The following NALCN variants were observed in gnomAD, a reference collection of about 807,000 sequenced individuals.
NALCN encodes the protein sodium leak channel, non-selective.
In NALCN, 111 loss-of-function variants were observed where a neutral mutation model predicts 225.3. That is an observed-to-expected ratio of 0.49 (90% CI 0.42 to 0.58). NALCN has a LOEUF of 0.58. NALCN is among the 20% of genes least tolerant of loss of function. The pLI, the probability that NALCN is intolerant of heterozygous loss-of-function variation, is 0.00. For missense variants in NALCN, 1,378 were observed against 2,202.4 expected (o/e 0.63, Z 7.49); for synonymous variants, 764 against 769.0 (o/e 0.99, Z 0.11).
chr13:101,330,386 G>C (rs886276731), intron 7 of NALCN, among the ~76,000 whole-genome samples: 4 of 152,074 alleles, frequency 2.6e-5, no homozygotes, highest in Admixed American at 1.3e-4. Context: ...GAGTTGGGAG[G>C]CACCTAATAT....
chr13:101,321,009 A>G (rs2044728173), intron 7 of NALCN, among the ~76,000 whole-genome samples: 2 of 152,166 alleles, frequency 1.3e-5, no homozygotes, highest in Non-Finnish European at 2.9e-5. Context: ...ATACCATTCA[A>G]TGATGCCGAT....
chr13:101,282,439 A>T (rs2043197802), intron 10 of NALCN, among the ~76,000 whole-genome samples: 1 of 152,184 alleles, frequency 6.6e-6, no homozygotes. Flanking sequence ...TCATTTATAT[A>T]TGGAATCTCA....
chr13:101,286,864 TACACACACACACAC>T (rs71121180), intron 9 of NALCN, among the ~76,000 whole-genome samples: 3 of 147,058 alleles, frequency 2.0e-5, no homozygotes, highest in Non-Finnish European at 3.0e-5. Context: ...CCAGGTATTA[TACACACACACACAC>T]ACACACACAC....
At chr13:101,081,859 ATCTG>A (rs766880219) in intron 33 of NALCN, among the ~76,000 whole-genome samples, 20 of 152,022 alleles carry the variant, frequency 1.3e-4, no homozygotes, top group African/African-American at 1.9e-4. Flanking sequence ...TACACTATCT[ATCTG>A]TCTGTCTGTC....
intron 13 of NALCN, among the ~76,000 whole-genome samples, chr13:101,224,917 T>A (rs1023134219): frequency 6.6e-6 from 1 of 152,134 alleles, no homozygotes; most frequent in African/African-American, 2.4e-5. Flanking sequence ...ACTATCATTG[T>A]TAAACACCCC....
chr13:101,105,634 T>TAA lies in NALCN; in HGVS notation c.2580-686_2580-685dup, dbSNP rs11405672. Among the ~76,000 whole-genome samples the TAA allele has an allele frequency of 5.1e-4, 77 of 151,970 alleles. No homozygotes were observed. In the South Asian group the frequency reaches 0.01, roughly 21 times the overall value. ...AGGCAGCCAACAGGATAATTCAAGATAAAAAAAACGTACTTCAAGAACTGA... is the reference window on the plus strand; with the variant it reads ...AGGCAGCCAACAGGATAATTCAAGATAAAAAAAAAACGTACTTCAAGAACTGA... On this transcript the variant is annotated intron_variant, in intron 22 of 43. Transcript: ENST00000251127.
At chr13:101,323,435 C>T (rs1211507486) in intron 7 of NALCN, among the ~76,000 whole-genome samples, 1 of 152,236 alleles carries the variant, frequency 6.6e-6, no homozygotes, top group Non-Finnish European at 1.5e-5. Flanking sequence ...CAATGCAACT[C>T]TATTAATTCA....
chr13:101,253,502 T>C (rs990744706), intron 11 of NALCN, among the ~76,000 whole-genome samples: 1 of 152,198 alleles, frequency 6.6e-6, no homozygotes, highest in Non-Finnish European at 1.5e-5. Context: ...TAAACTTGAA[T>C]TGCTGTTATT....
chr13:101,109,822 C>T (rs771853909), intron 20 of NALCN, among the ~76,000 whole-genome samples: 13 of 152,094 alleles, frequency 8.5e-5, no homozygotes, highest in East Asian at 1.9e-4. Flanking sequence ...GATGGGTCTA[C>T]GATAACCATC....
rs540654944 is a variant in NALCN at position 101,279,184 on chromosome 13, T to C, written c.1134+4749A>G. 9.2e-5 allele frequency among the ~76,000 whole-genome samples: 14 copies of C among 152,362 alleles called. No homozygotes were observed. In the South Asian group the frequency reaches 2.9e-3, roughly 32 times the overall value. On this transcript the variant is annotated intron_variant, in intron 10 of 43. Transcript: ENST00000251127. The stretch of plus-strand genomic sequence containing the variant: ...CATAAAAGAAAAGTGTAGGATGATA[T>C]GAAAACATGTAACAGAGGTACCTGG...
chr13:101,359,058 A>G (rs2046147694), intron 6 of NALCN, among the ~76,000 whole-genome samples: 1 of 152,104 alleles, frequency 6.6e-6, no homozygotes, highest in African/African-American at 2.4e-5. Context: ...GGAGAGCATT[A>G]GGACAAATAG....
At chr13:101,062,799 C>T (rs1212190638) in intron 40 of NALCN, among the ~76,000 whole-genome samples, 1 of 151,964 alleles carries the variant, frequency 6.6e-6, no homozygotes, top group Non-Finnish European at 1.5e-5. Flanking sequence ...GACGAGTTTT[C>T]ACCATGTTGG....
At chr13:101,285,298 T>C (rs1566531133) in intron 9 of NALCN, among the ~76,000 whole-genome samples, 5 of 152,112 alleles carry the variant, frequency 3.3e-5, no homozygotes, top group Admixed American at 3.3e-4. Flanking sequence ...GTATTTTTAT[T>C]ATTTATTTAT....
chr13:101,279,856 T>TAAAG lies in NALCN; in HGVS notation c.1134+4076_1134+4077insCTTT, dbSNP rs386380472. Among the ~76,000 whole-genome samples, 703 of 148,576 alleles carry TAAAG rather than the reference T, an allele frequency of 4.7e-3. 21 individuals are homozygous for TAAAG. The highest frequency in any genetic ancestry group is 0.036 in the East Asian group (183 of 5,084). The stretch of plus-strand genomic sequence containing the variant: ...TAAATAAAATAAATAAATAAATAAA[T>TAAAG]AAATAAATAAATAAATAAATAAAAA... On this transcript the variant is annotated intron_variant, in intron 10 of 43. Coordinates refer to ENST00000251127, the MANE Select transcript of NALCN (RefSeq NM_052867.4).
At chr13:101,351,637 C>T (rs2045911380) in intron 6 of NALCN, among the ~76,000 whole-genome samples, 1 of 152,128 alleles carries the variant, frequency 6.6e-6, no homozygotes, top group African/African-American at 2.4e-5. Flanking sequence ...TTGGGAGATT[C>T]ACTTGAAACA....
At chr13:101,213,088 C>T (rs890783284) in intron 13 of NALCN, among the ~76,000 whole-genome samples, 1 of 152,006 alleles carries the variant, frequency 6.6e-6, no homozygotes, top group South Asian at 2.1e-4. Flanking sequence ...GGTACTGGTA[C>T]CAAAACAGAG....
At chr13:101,301,598 G>A (rs1184755005) in intron 7 of NALCN, among the ~76,000 whole-genome samples, 1 of 151,826 alleles carries the variant, frequency 6.6e-6, no homozygotes, top group Non-Finnish European at 1.5e-5. Flanking sequence ...GCATGTACCT[G>A]TAATCCCAGC....
At chr13:101,287,446 A>G (rs1437633327) in intron 9 of NALCN, among the ~76,000 whole-genome samples, 1 of 152,198 alleles carries the variant, frequency 6.6e-6, no homozygotes, top group African/African-American at 2.4e-5. Flanking sequence ...CAGTTTTACC[A>G]CTAGCCAGTT....
chr13:101,192,306 T>C (rs2039713807), intron 13 of NALCN, among the ~76,000 whole-genome samples: 1 of 152,220 alleles, frequency 6.6e-6, no homozygotes, highest in African/African-American at 2.4e-5. Flanking sequence ...CAGTAAATGC[T>C]GTTGAGCAAA....
Sources: gnomAD v4.1 joint callset for allele counts (sites outside exome capture counted in the v4.1 genomes callset) on GRCh38, gnomAD v4.1.1 for gene constraint, MANE v1.5 for transcripts, NCBI Gene and HGNC (gene_info 2026-07-23, HGNC 2026-07-21) for gene names.